AXIN1: variants seen among roughly 807,000 people sequenced by gnomAD.
AXIN1 encodes the protein axin 1.
AXIN1 carries 30 observed loss-of-function variants against 76.4 expected under a neutral mutation model. The ratio of observed to expected loss-of-function variants is 0.39; its 90% CI spans 0.29 to 0.53. The LOEUF is 0.53. AXIN1 is among the 20% of genes least tolerant of loss of function. AXIN1 has a pLI of 0.66. For missense variants in AXIN1, 1,140 were observed against 1,198.8 expected (o/e 0.95, Z 0.72); for synonymous variants, 545 against 501.4 (o/e 1.09, Z -1.16).
At chr16:343,011 T>C (rs571613700) in intron 2 of AXIN1, among the ~76,000 whole-genome samples, 121 of 152,254 alleles carry the variant, frequency 7.9e-4, no homozygotes, top group Non-Finnish European at 1.2e-3. Context: ...TCATGCCCTG[T>C]CTGTGCTGAC....
Position 287,687 on chromosome 16 carries a change from C to T in AXIN1, c.*435G>A. 2.9e-6 allele frequency: 1 copy of T among 341,658 alleles called. No homozygotes were observed. Among genetic ancestry groups the T allele is most frequent in the Non-Finnish European group, 5.5e-6 (1 of 181,098 alleles). The allele number at this position is 341,658 out of a possible 1,614,324, so 21.2% of individuals were successfully genotyped here. A position where few individuals can be genotyped will look rare whatever the true frequency, so the allele number is the denominator to read the frequency against. On this transcript the variant is annotated 3_prime_UTR_variant, in exon 11 of 11. Coordinates refer to ENST00000262320, the MANE Select transcript of AXIN1 (RefSeq NM_003502.4). ...GGCAAGAGACAAGCTGTGTTGAAGG[C>T]ACTCGGTGGCGCGTACAATTGACAG...
At chr16:321,274 C>T (rs547905229) in intron 2 of AXIN1, among the ~76,000 whole-genome samples, 3 of 151,006 alleles carry the variant, frequency 2.0e-5, no homozygotes, top group African/African-American at 7.3e-5. Context: ...TTTCCATACC[C>T]AGGCAGGAGC....
intron 4 of AXIN1, among the ~76,000 whole-genome samples, chr16:307,216 G>A (rs1259825990): frequency 6.6e-6 from 1 of 152,152 alleles, no homozygotes; most frequent in East Asian, 1.9e-4. Flanking sequence ...GAGCAGCACG[G>A]CTGAGGGGCC....
At chr16:290,056 G>C (rs759743173) in intron 9 of AXIN1, 1 of 258,970 alleles carries the variant, frequency 3.9e-6, no homozygotes, top group Admixed American at 5.1e-5. Flanking sequence ...GGACTGGGGC[G>C]GGGGTGGCCA....
chr16:325,389 C>T (rs1457760477), intron 2 of AXIN1, among the ~76,000 whole-genome samples: 1 of 152,238 alleles, frequency 6.6e-6, no homozygotes, highest in African/African-American at 2.4e-5. Flanking sequence ...TGGTTATCAG[C>T]GACTCATCCC....
chr16:298,340 C>T, intron 5 of AXIN1, 89 bp from the exon 6 acceptor site: 1 of 1,519,902 alleles, frequency 6.6e-7, no homozygotes, highest in Non-Finnish European at 8.8e-7. Context: ...CCAGCAGCCC[C>T]AGCAGATGCC....
At chr16:311,894 C>T (rs1242709759) in intron 3 of AXIN1, among the ~76,000 whole-genome samples, 4 of 152,184 alleles carry the variant, frequency 2.6e-5, no homozygotes, top group South Asian at 4.1e-4. Context: ...AGAGAGCGCC[C>T]GACCCAGGGC....
Position 297,091 on chromosome 16 carries a change from T to C in AXIN1, c.1920A>G (p.Glu640=). The change falls in exon 7 of 11, where the codon GAA becomes GAG. Residue 640 remains glutamate (E), a synonymous_variant. Transcript: ENST00000262320. ...TCCTGCGGTGCCTGCTGATCTCCTT[T>C]TCCCCCTCAATGATCCACTGCATGA... is the stretch of plus-strand genomic sequence containing the variant. ...QKIMQWIIEG[E]KEISRHRRTG... 1 of 1,612,644 alleles carries C rather than the reference T, an allele frequency of 6.2e-7. No individual in the cohort carries two copies. The highest frequency in any genetic ancestry group is 1.1e-5 in the South Asian group (1 of 91,090).
intron 2 of AXIN1, among the ~76,000 whole-genome samples, chr16:334,225 CCATGGCACGCTAATTA>C (rs2053755112): frequency 2.1e-5 from 3 of 145,766 alleles, no homozygotes; most frequent in Non-Finnish European, 4.5e-5. Context: ...GCACCCAGTA[CCATGGCACGCTAATTA>C]CACAGCACCC....
At chr16:305,486 C>T (rs2052994919) in intron 4 of AXIN1, among the ~76,000 whole-genome samples, 1 of 152,096 alleles carries the variant, frequency 6.6e-6, no homozygotes, top group African/African-American at 2.4e-5. Context: ...AAAATAATAA[C>T]AATACATCTG....
intron 5 of AXIN1, among the ~76,000 whole-genome samples, chr16:301,923 A>G (rs1056024212): frequency 1.3e-5 from 2 of 152,234 alleles, no homozygotes; most frequent in African/African-American, 4.8e-5. Flanking sequence ...TGCCACCCAA[A>G]TGATGATGCT....
intron 4 of AXIN1, among the ~76,000 whole-genome samples, chr16:306,177 A>G (rs991765440): frequency 3.9e-5 from 6 of 151,996 alleles, no homozygotes; most frequent in African/African-American, 7.3e-5. Context: ...GTACACACAC[A>G]CGCACACACA....
At position 293,042 on chromosome 16, in the gene AXIN1, C is replaced by T. The variant is rs1257174748; in HGVS notation, c.2186+446G>A. On this transcript the variant is annotated intron_variant, in intron 8 of 10. Coordinates refer to ENST00000262320, the MANE Select transcript of AXIN1 (RefSeq NM_003502.4). The surrounding 1 kb of genome is among the most constrained non-coding windows in gnomAD (Gnocchi z 4.6). ...TACATCTGCACGGCTTTCAGAACCACGTAGCTTTCCGACCGTGCAGAGCCA... is the reference window on the plus strand; with the variant it reads ...TACATCTGCACGGCTTTCAGAACCATGTAGCTTTCCGACCGTGCAGAGCCA... 5.0e-6 allele frequency: 1 copy of T among 198,202 alleles called. No individual in the cohort carries two copies. The highest frequency in any genetic ancestry group is 1.0e-5 in the Non-Finnish European group (1 of 95,668). 12.3% of individuals were successfully genotyped at this position (198,202 alleles called of 1,614,324 possible). A position where few individuals can be genotyped will look rare whatever the true frequency, so the allele number is the denominator to read the frequency against.
At chr16:313,839 T>C (rs1449990526) in intron 3 of AXIN1, among the ~76,000 whole-genome samples, 3 of 152,214 alleles carry the variant, frequency 2.0e-5, no homozygotes, top group Non-Finnish European at 4.4e-5. Flanking sequence ...TTCCTACACA[T>C]GGGGTTTCCC....
intron 6 of AXIN1, 54 bp downstream of exon 6, chr16:297,668 G>T (rs2141507418): frequency 6.6e-7 from 1 of 1,515,266 alleles, no homozygotes; most frequent in Non-Finnish European, 8.8e-7. Context: ...CTGGCCTTCT[G>T]CAGGGACACA....
chr16:288,054 T>C lies in AXIN1; in HGVS notation c.*68A>G. 1 of 1,610,016 alleles carries C rather than the reference T, an allele frequency of 6.2e-7. No homozygotes were observed. Among genetic ancestry groups the C allele is most frequent in the South Asian group, 1.1e-5 (1 of 91,062 alleles). On this transcript the variant is annotated 3_prime_UTR_variant, in exon 11 of 11. Coordinates refer to ENST00000262320, the MANE Select transcript of AXIN1 (RefSeq NM_003502.4). ...CATCGGGCTCCTGAGTACGAGGTCA[T>C]CTGCCTGGCCGTGACACCCGTGCCC...
At chr16:294,460 CAA>C (rs35746106) in intron 7 of AXIN1, among the ~76,000 whole-genome samples, 2,393 of 48,010 alleles carry the variant, frequency 0.05, 15 homozygotes, top group African/African-American at 0.12. Flanking sequence ...GACTCCATCT[CAA>C]AAAAAAAAAA....
chr16:336,592 C>A (rs557761925), intron 2 of AXIN1, among the ~76,000 whole-genome samples: 1 of 152,178 alleles, frequency 6.6e-6, no homozygotes, highest in South Asian at 2.1e-4. Flanking sequence ...GAGGCCAATG[C>A]GGGCAGATCA....
intron 1 of AXIN1, among the ~76,000 whole-genome samples, chr16:347,780 C>T (rs1179011342): frequency 1.3e-5 from 2 of 152,120 alleles, no homozygotes; most frequent in Non-Finnish European, 2.9e-5. Context: ...CCCCATCGAC[C>T]GAGGGATCAA....
Sources: allele counts gnomAD v4.1 joint callset (sites outside exome capture counted in the v4.1 genomes callset), GRCh38; gene constraint gnomAD v4.1.1; non-coding constraint Gnocchi (gnomAD v3.1); transcripts MANE v1.5; gene names NCBI Gene and HGNC (gene_info 2026-07-23, HGNC 2026-07-21).